The following ZNF676 variants were observed in gnomAD, a reference collection of about 807,000 sequenced individuals.
ZNF676 encodes zinc finger protein 676.
In ZNF676, 4 loss-of-function variants were observed where a neutral mutation model predicts 6.0. The ratio of observed to expected loss-of-function variants is 0.67; its 90% CI spans 0.33 to 1.53. The LOEUF (loss-of-function observed/expected upper bound fraction) is 1.53, where lower values mean the gene tolerates loss of function less well. ZNF676 is among the 40% of genes most tolerant of loss of function. ZNF676 has a pLI of 0.06. For missense variants in ZNF676, 644 were observed against 679.7 expected (o/e 0.95, Z 0.58); for synonymous variants, 198 against 223.1 (o/e 0.89, Z 1.00).
chr19:22,228,064 C>T, the ZNF676 span, among the ~76,000 whole-genome samples: 3 of 152,168 alleles, frequency 2.0e-5, no homozygotes, highest in Non-Finnish European at 4.4e-5. Context: ...AAGAAAACTT[C>T]AGGCCAATAT....
the ZNF676 span, among the ~76,000 whole-genome samples, chr19:22,228,338 T>C: frequency 6.6e-6 from 1 of 152,274 alleles, no homozygotes; most frequent in East Asian, 1.9e-4. Flanking sequence ...ATAAACTAAG[T>C]ATTGATGGAA....
At chr19:22,195,315 A>C (rs538939686) in intron 1 of ZNF676, among the ~76,000 whole-genome samples, 12 of 152,268 alleles carry the variant, frequency 7.9e-5, no homozygotes, top group African/African-American at 2.9e-4. Flanking sequence ...ATACCCAGTA[A>C]GGATTAGCCC....
At chr19:22,198,355 A>AG (rs2023992054), upstream of ZNF676, among the ~76,000 whole-genome samples, 1 of 152,162 alleles carries the variant, frequency 6.6e-6, no homozygotes. Flanking sequence ...TATTTTTCAG[A>AG]GACTTTGATT....
At position 22,180,071 on chromosome 19, in the gene ZNF676, G is replaced by A. The variant is rs1219016453; in HGVS notation, c.1646C>T (p.Thr549Ile). Residue 549 changes from threonine (T) to isoleucine (I), a missense_variant, in exon 3 of 3, where the codon ACT becomes ATT. Transcript: ENST00000397121. ...GKAFSRSSSL[T>I]RHKRIHTGEK... is the part of the protein sequence containing the mutation. ...TCCAGTATGAATTCTCTTGTGTCTAGTAAGGCTTGAGGATCTGCTGAAGGC... is the reference window on the plus strand; with the variant it reads ...TCCAGTATGAATTCTCTTGTGTCTAATAAGGCTTGAGGATCTGCTGAAGGC... The A allele has an allele frequency of 1.2e-6, 2 of 1,612,396 alleles. No homozygotes were observed. Among genetic ancestry groups the A allele is most frequent in the African/African-American group, 1.3e-5 (1 of 74,436 alleles).
At chr19:22,206,662 G>C (rs2024079304) in intron 1 of ZNF676, among the ~76,000 whole-genome samples, 1 of 151,148 alleles carries the variant, frequency 6.6e-6, no homozygotes, top group African/African-American at 2.4e-5. Flanking sequence ...ATGACACAGT[G>C]AGACTCCATC....
chr19:22,232,360 G>T, the ZNF676 span, among the ~76,000 whole-genome samples: 1 of 151,920 alleles, frequency 6.6e-6, no homozygotes, highest in African/African-American at 2.4e-5. Flanking sequence ...TAGAGACAGG[G>T]TTTCACCATG....
At chr19:22,248,429 A>G in the ZNF676 span, among the ~76,000 whole-genome samples, 2 of 152,202 alleles carry the variant, frequency 1.3e-5, no homozygotes, top group Admixed American at 1.3e-4. Context: ...CTTTTTAATG[A>G]TCACATGTAA....
the ZNF676 span, among the ~76,000 whole-genome samples, chr19:22,240,756 C>T: frequency 4.6e-5 from 7 of 151,930 alleles, no homozygotes; most frequent in African/African-American, 1.7e-4. Flanking sequence ...CATGCTACTG[C>T]ACTCCAGCCT....
the ZNF676 span, among the ~76,000 whole-genome samples, chr19:22,232,579 G>A: frequency 2.6e-5 from 4 of 152,142 alleles, no homozygotes; most frequent in East Asian, 1.9e-4. Context: ...TCCTAACAGA[G>A]GTATAGAGAA....
chr19:22,229,978 C>T, the ZNF676 span, among the ~76,000 whole-genome samples: 4 of 152,092 alleles, frequency 2.6e-5, no homozygotes, highest in African/African-American at 9.7e-5. Flanking sequence ...TACCATTTGA[C>T]CCAGCAATCC....
the ZNF676 span, among the ~76,000 whole-genome samples, chr19:22,232,167 C>A: frequency 1.3e-5 from 2 of 151,472 alleles, no homozygotes; most frequent in South Asian, 2.1e-4. Context: ...TATTTCTTTT[C>A]TTTTCTTTTC....
chr19:22,248,066 G>C, the ZNF676 span, among the ~76,000 whole-genome samples: 7 of 66,500 alleles, frequency 1.1e-4, no homozygotes, highest in Non-Finnish European at 2.1e-4. Flanking sequence ...TCCCTACAAA[G>C]GAAACGAACT....
upstream of ZNF676, among the ~76,000 whole-genome samples, chr19:22,217,879 T>A (rs897087197): frequency 2.6e-5 from 4 of 151,820 alleles, no homozygotes; most frequent in Admixed American, 2.0e-4. Flanking sequence ...AATTTTTGTA[T>A]TTTTAGTAGA....
chr19:22,196,670 G>A lies in ZNF676; in HGVS notation c.-37C>T, dbSNP rs1157233909. 3.1e-6 allele frequency: 5 copies of A among 1,613,158 alleles called. No individual in the cohort carries two copies. Among genetic ancestry groups the A allele is most frequent in the Non-Finnish European group, 4.2e-6 (5 of 1,179,462 alleles). ...ATAAATTCTGCTGTGTAGAATCCAG[G>A]CATTGCCACTCCTCCAGAGAGAATT... On this transcript the variant is annotated 5_prime_UTR_variant, in exon 1 of 3. Coordinates refer to ENST00000397121, the MANE Select transcript of ZNF676 (RefSeq NM_001001411.3).
In ZNF676 at chr19:22,186,450, G is replaced by A. The variant is rs180777130; in HGVS notation, c.131-4864C>T. ...AACATACCAAATTGTAAAGACCATC[G>A]ACACTATGAAGAAACTGCATCAACT... On this transcript the variant is annotated intron_variant, in intron 2 of 2. Transcript: ENST00000397121. Among the ~76,000 whole-genome samples the A allele has an allele frequency of 4.3e-3, 658 of 152,220 alleles. 4 individuals carry two copies. Among genetic ancestry groups the A allele is most frequent in the Non-Finnish European group, 5.6e-3 (382 of 68,016 alleles).
the ZNF676 span, among the ~76,000 whole-genome samples, chr19:22,236,857 AGCCTCTGCT>A: frequency 6.6e-6 from 1 of 152,222 alleles, no homozygotes; most frequent in Non-Finnish European, 1.5e-5. Context: ...ATTGCCGTTT[AGCCTCTGCT>A]GTCCATTACA....
intron 1 of ZNF676, among the ~76,000 whole-genome samples, chr19:22,206,466 A>G (rs1345282139): frequency 6.6e-6 from 1 of 152,160 alleles, no homozygotes; most frequent in Non-Finnish European, 1.5e-5. Flanking sequence ...TGAGGTCAGG[A>G]GTTCAAGACC....
chr19:22,194,797 C>T (rs1003406769), intron 1 of ZNF676, among the ~76,000 whole-genome samples: 4 of 152,110 alleles, frequency 2.6e-5, no homozygotes, highest in Non-Finnish European at 4.4e-5. Flanking sequence ...CAGGCCACAA[C>T]CCCACTTCAA....
chr19:22,206,852 A>T (rs1468461011), intron 1 of ZNF676, among the ~76,000 whole-genome samples: 1 of 152,178 alleles, frequency 6.6e-6, no homozygotes, highest in Non-Finnish European at 1.5e-5. Flanking sequence ...AAATCACAAG[A>T]TTATCTCAAT....
Sources: gnomAD v4.1 joint callset for allele counts (sites outside exome capture counted in the v4.1 genomes callset) on GRCh38, gnomAD v4.1.1 for gene constraint, MANE v1.5 for transcripts, NCBI Gene and HGNC (gene_info 2026-07-23, HGNC 2026-07-21) for gene names.